ZNF385D: variants seen among roughly 807,000 people sequenced by gnomAD.
ZNF385D encodes zinc finger protein 659.
Under a neutral mutation model 35.8 loss-of-function variants are expected in ZNF385D, and 15 were observed. The observed-to-expected ratio is 0.42, with a 90% CI of 0.28 to 0.64. The LOEUF (loss-of-function observed/expected upper bound fraction) is 0.64, where lower values mean the gene tolerates loss of function less well. Among genes scored for constraint, ZNF385D ranks in the 30% least tolerant of loss-of-function variants. The probability of loss-of-function intolerance (pLI) is 0.23; values close to 1 mark genes in which losing one functional copy is unlikely to be tolerated. For synonymous variants in ZNF385D, 212 were observed against 186.8 expected (o/e 1.13, Z -1.10); for missense variants, 474 against 494.6 (o/e 0.96, Z 0.39).
intron 3 of ZNF385D, among the ~76,000 whole-genome samples, chr3:22,111,676 C>T (rs1030562420): frequency 2.0e-5 from 3 of 152,098 alleles, no homozygotes; most frequent in African/African-American, 4.8e-5. Context: ...ACGCTGTCTT[C>T]GTAGATGGCA....
rs1013879844 is a variant in ZNF385D at position 21,971,520 on chromosome 3, G to C, written c.325+197297C>G. Among the ~76,000 whole-genome samples the C allele has an allele frequency of 3.1e-4, 47 of 151,604 alleles. 1 individual carries two copies. The highest frequency in any genetic ancestry group is 1.6e-3 in the Admixed American group (25 of 15,232). Reference sequence around the variant, plus strand: ...AGTAAAAGATGAAAATATACCACTAGTGAAAATCACCTTCACTAAAAGGAA... The same window carrying C: ...AGTAAAAGATGAAAATATACCACTACTGAAAATCACCTTCACTAAAAGGAA... On this transcript the variant is annotated intron_variant, in intron 3 of 5. Coordinates refer to the ZNF385D transcript ENST00000494108.
At position 22,243,596 on chromosome 3, in the gene ZNF385D, GA is replaced by G. The variant is rs928772253; in HGVS notation, c.107-74562del. On this transcript the variant is annotated intron_variant, in intron 2 of 5. Coordinates refer to the ZNF385D transcript ENST00000494108. ...AAATTAGCCTGCTATTATGACAATGGAAATGCCATGAATCAGGACCAGGTGG... is the reference window on the plus strand; with the variant it reads ...AAATTAGCCTGCTATTATGACAATGGAATGCCATGAATCAGGACCAGGTGG... 4.0e-5 allele frequency among the ~76,000 whole-genome samples: 6 copies of G among 151,002 alleles called. 1 individual carries two copies. The highest frequency in any genetic ancestry group is 1.5e-4 in the African/African-American group (6 of 40,822).
At chr3:22,125,347 T>C (rs1345064543) in intron 3 of ZNF385D, among the ~76,000 whole-genome samples, 1 of 152,114 alleles carries the variant, frequency 6.6e-6, no homozygotes, top group African/African-American at 2.4e-5. Flanking sequence ...GTCAGGTATG[T>C]GATTCCTTCA....
chr3:21,995,802 G>A (rs910105154), intron 3 of ZNF385D, among the ~76,000 whole-genome samples: 1 of 151,996 alleles, frequency 6.6e-6, no homozygotes, highest in East Asian at 1.9e-4. Flanking sequence ...CTGCTAGTTG[G>A]TAGGGAGAGT....
At chr3:21,767,751 T>C (rs1291188181) in intron 3 of ZNF385D, among the ~76,000 whole-genome samples, 1 of 152,056 alleles carries the variant, frequency 6.6e-6, no homozygotes, top group African/African-American at 2.4e-5. Context: ...TATTGTGATA[T>C]GAATTTATGA....
chr3:22,007,514 A>G (rs1373350433), intron 3 of ZNF385D, among the ~76,000 whole-genome samples: 1 of 152,240 alleles, frequency 6.6e-6, no homozygotes, highest in Non-Finnish European at 1.5e-5. Flanking sequence ...TATAAATGGC[A>G]TTCATTGCTG....
chr3:22,158,523 C>T (rs78020812), intron 3 of ZNF385D, among the ~76,000 whole-genome samples: 4,007 of 152,136 alleles, frequency 0.026, 166 homozygotes, highest in African/African-American at 0.091. Flanking sequence ...TTACAAAATA[C>T]TATCGCAATT....
At chr3:21,786,810 A>T (rs1272142453) in intron 3 of ZNF385D, among the ~76,000 whole-genome samples, 1 of 152,196 alleles carries the variant, frequency 6.6e-6, no homozygotes, top group Admixed American at 6.5e-5. Context: ...TGTATAAACA[A>T]ACCTTATCTT....
intron 3 of ZNF385D, among the ~76,000 whole-genome samples, chr3:21,803,028 T>C (rs993785261): frequency 1.3e-5 from 2 of 152,106 alleles, no homozygotes; most frequent in Non-Finnish European, 2.9e-5. Flanking sequence ...TTTTGGGATT[T>C]TAATTATGTT....
At chr3:22,153,037 T>C (rs577273426) in intron 3 of ZNF385D, among the ~76,000 whole-genome samples, 1 of 152,288 alleles carries the variant, frequency 6.6e-6, no homozygotes, top group South Asian at 2.1e-4. Context: ...TTACAAACCA[T>C]GGCTTTTATT....
chr3:21,590,048 A>G (rs993061147), intron 2 of ZNF385D, among the ~76,000 whole-genome samples: 2 of 152,186 alleles, frequency 1.3e-5, no homozygotes, highest in Non-Finnish European at 2.9e-5. Flanking sequence ...GGCATGTGCA[A>G]GAGCATTATT....
At chr3:21,992,144 A>AT (rs994843741) in intron 3 of ZNF385D, among the ~76,000 whole-genome samples, 30 of 152,250 alleles carry the variant, frequency 2.0e-4, no homozygotes, top group African/African-American at 7.2e-4. Context: ...ATTAGCTACC[A>AT]TTTTTACCTC....
At chr3:22,122,182 C>T (rs745886492) in intron 3 of ZNF385D, among the ~76,000 whole-genome samples, 1 of 152,114 alleles carries the variant, frequency 6.6e-6, no homozygotes, top group Non-Finnish European at 1.5e-5. Context: ...AATCTGACTG[C>T]TTCCCCTTTA....
intron 1 of ZNF385D, among the ~76,000 whole-genome samples, chr3:21,750,282 G>A (rs1015352076): frequency 7.2e-5 from 11 of 152,274 alleles, no homozygotes; most frequent in African/African-American, 1.7e-4. Context: ...GGTTTCTACC[G>A]TGGCACAAAA....
At chr3:22,339,169 G>A (rs1695310674) in intron 2 of ZNF385D, among the ~76,000 whole-genome samples, 1 of 152,108 alleles carries the variant, frequency 6.6e-6, no homozygotes, top group African/African-American at 2.4e-5. Flanking sequence ...ACTCCTCCCT[G>A]CTAGTTTTGT....
intron 3 of ZNF385D, among the ~76,000 whole-genome samples, chr3:21,968,073 G>A (rs560173796): frequency 1.3e-5 from 2 of 152,196 alleles, no homozygotes; most frequent in South Asian, 2.1e-4. Flanking sequence ...GTGGGTGTAC[G>A]GTGCAGAGAG....
At chr3:21,472,686 G>T (rs1308582329) in intron 4 of ZNF385D, among the ~76,000 whole-genome samples, 1 of 152,138 alleles carries the variant, frequency 6.6e-6, no homozygotes, top group African/African-American at 2.4e-5. Context: ...AATTACAGCA[G>T]CTAAGCTTCA....
intron 3 of ZNF385D, among the ~76,000 whole-genome samples, chr3:22,144,998 T>C (rs1704757348): frequency 8.2e-6 from 1 of 122,308 alleles, no homozygotes; most frequent in Non-Finnish European, 1.7e-5. Context: ...AAATACAGTG[T>C]TGAAGATACA....
chr3:21,961,110 C>T (rs1481261985), intron 3 of ZNF385D, among the ~76,000 whole-genome samples: 4 of 151,776 alleles, frequency 2.6e-5, no homozygotes, highest in East Asian at 1.9e-4. Context: ...TGAGGAGACA[C>T]GTGTTAATTA....
Sources: gnomAD v4.1 joint callset for allele counts (sites outside exome capture counted in the v4.1 genomes callset) on GRCh38, gnomAD v4.1.1 for gene constraint, MANE v1.5 for transcripts, NCBI Gene and HGNC (gene_info 2026-07-23, HGNC 2026-07-21) for gene names.